The following SMARCA4 variants were observed in gnomAD, a reference collection of about 807,000 sequenced individuals.
SMARCA4 encodes SWI/SNF-related matrix-associated actin-dependent regulator of chromatin subfamily A member 4.
A neutral mutation model predicts 193.9 loss-of-function variants in SMARCA4; 31 were observed. The observed-to-expected ratio is 0.16, with a 90% CI of 0.12 to 0.22. SMARCA4 has a LOEUF of 0.22. Ranked by LOEUF, SMARCA4 falls within the 10% of genes least tolerant of loss-of-function variation. SMARCA4 has a pLI of 1.00. For missense variants in SMARCA4, 1,148 were observed against 2,296.0 expected (o/e 0.50, Z 10.22); for synonymous variants, 942 against 933.1 (o/e 1.01, Z -0.17).
rs1306229985 is a variant in SMARCA4, at chr19:11,059,836, G to A, written c.4719G>A (p.Glu1573=). ...KIEKEDDSEG[E]ESEEEEEGEE... is the part of the protein sequence containing the mutation. The stretch of plus-strand genomic sequence containing the variant: ...AGAAGGAGGATGACAGTGAAGGCGA[G>A]GAGAGTGAGGAGGAGGAAGAGGGCG... Residue 1573 remains glutamate, a synonymous_variant, in exon 33 of 35, where the codon GAG becomes GAA. Transcript: ENST00000344626. 1 of 1,613,892 alleles carries A rather than the reference G, an allele frequency of 6.2e-7. No individual in the cohort carries two copies. The highest frequency in any genetic ancestry group is 8.5e-7 in the Non-Finnish European group (1 of 1,179,886).
At chr19:10,965,210 G>T (rs1441040671) in intron 1 of SMARCA4, 1 of 152,304 alleles carries the variant, frequency 6.6e-6, no homozygotes, top group Non-Finnish European at 1.5e-5. Context: ...CTGCTGGGGA[G>T]CTGGGGATTC....
intron 1 of SMARCA4, among the ~76,000 whole-genome samples, chr19:10,976,616 G>A (rs1009265052): frequency 6.6e-6 from 1 of 151,724 alleles, no homozygotes; most frequent in African/African-American, 2.4e-5. Flanking sequence ...AATTAGCTGG[G>A]CATAGTGGCA....
intron 1 of SMARCA4, among the ~76,000 whole-genome samples, chr19:10,964,317 C>CTT (rs112353642): frequency 6.7e-6 from 1 of 148,364 alleles, no homozygotes; most frequent in African/African-American, 2.5e-5. Flanking sequence ...TTCTTTCTTT[C>CTT]TTTTTTTTTT....
At chr19:11,045,030 G>A (rs1407898812) in intron 30 of SMARCA4, among the ~76,000 whole-genome samples, 1 of 152,172 alleles carries the variant, frequency 6.6e-6, no homozygotes, top group Non-Finnish European at 1.5e-5. Flanking sequence ...ACACTAAAAA[G>A]GGCATACTGG....
intron 13 of SMARCA4, among the ~76,000 whole-genome samples, chr19:11,007,429 C>CAAAAA (rs1188457080): frequency 5.3e-5 from 3 of 56,134 alleles, no homozygotes; most frequent in African/African-American, 1.2e-4. Flanking sequence ...CACTTCGTCT[C>CAAAAA]AAAAAAAAAA....
rs1016382250 is a variant in SMARCA4 at position 11,041,350 on chromosome 19, G to A, written c.4214G>A (p.Arg1405Gln). The A allele has an allele frequency of 5.6e-6, 9 of 1,612,242 alleles. No individual in the cohort carries two copies. The highest frequency in any genetic ancestry group is 6.8e-6 in the Non-Finnish European group (8 of 1,180,006). ...GTLEEIEEEV[R>Q]QKKSSRKRKR... Reference sequence around the variant, plus strand: ...CTGGAGGAGATCGAAGAGGAGGTCCGGCAGAAGAAATCATCACGGAAGCGC... The same window carrying A: ...CTGGAGGAGATCGAAGAGGAGGTCCAGCAGAAGAAATCATCACGGAAGCGC... The change falls in exon 30 of 35, where the codon CGG becomes CAG. Residue 1405 changes from arginine to glutamine, a missense_variant. Arg to Gln is a conservative substitution (Grantham distance 43). Coordinates refer to ENST00000344626, the MANE Select transcript of SMARCA4 (RefSeq NM_003072.5). The surrounding 1 kb of genome is among the most constrained non-coding windows in gnomAD (Gnocchi z 5.6).
chr19:11,002,497 A>C (rs2087734672), intron 11 of SMARCA4, among the ~76,000 whole-genome samples: 1 of 149,068 alleles, frequency 6.7e-6, no homozygotes, highest in African/African-American at 2.5e-5. Context: ...AAATAAATAA[A>C]AATAAAAAAT....
intron 8 of SMARCA4, among the ~76,000 whole-genome samples, chr19:10,992,234 A>G (rs1186599017): frequency 7.3e-6 from 1 of 137,256 alleles, no homozygotes; most frequent in South Asian, 2.4e-4. Flanking sequence ...GCCTCAGCCT[A>G]CCTAGTAGCT....
rs1047931298 is a variant in SMARCA4, at chr19:10,994,279, G to A, written c.1420-549G>A. Among the ~76,000 whole-genome samples the A allele has an allele frequency of 2.7e-5, 4 of 149,424 alleles. No individual in the cohort carries two copies. The Admixed American group carries it at 2.7e-4, about 10-fold the overall frequency. ...GCTGGTCTCGAACTCCTGACCTCAGGCATTTTGTCCTCCTCAGCCTCCCAA... is the reference window on the plus strand; with the variant it reads ...GCTGGTCTCGAACTCCTGACCTCAGACATTTTGTCCTCCTCAGCCTCCCAA... On this transcript the variant is annotated intron_variant, in intron 8 of 34. Transcript: ENST00000344626.
At chr19:10,991,454 C>A in intron 8 of SMARCA4, 131 bp downstream of exon 8, 2 of 1,427,206 alleles carry the variant, frequency 1.4e-6, no homozygotes, top group Non-Finnish European at 1.9e-6. Context: ...CTCATTGTAA[C>A]AGTATTCTAG....
At position 10,987,987 on chromosome 19, in the gene SMARCA4, C is replaced by T. The variant is rs948293308; in HGVS notation, c.1118+63C>T. ...TGTCCCCCATGTCCCCCTGGGGAAG[C>T]CACTCAACTTTCTCCCCCACTCTAG... On this transcript the variant is annotated intron_variant, in intron 6 of 34. Coordinates refer to ENST00000344626, the MANE Select transcript of SMARCA4 (RefSeq NM_003072.5). The surrounding 1 kb of genome is among the most constrained non-coding windows in gnomAD (Gnocchi z 5.3). The T allele has an allele frequency of 7.2e-5, 112 of 1,559,814 alleles. No individual in the cohort carries two copies. The highest frequency in any genetic ancestry group is 9.5e-5 in the Non-Finnish European group (108 of 1,139,622).
chr19:11,043,523 A>T lies in SMARCA4; in HGVS notation c.4424+1963A>T, dbSNP rs146454560. Among the ~76,000 whole-genome samples, 715 of 151,898 alleles carry T rather than the reference A, an allele frequency of 4.7e-3. 18 individuals carry two copies. Among genetic ancestry groups the T allele is most frequent in the Admixed American group, 0.035 (541 of 15,274 alleles). On this transcript the variant is annotated intron_variant, in intron 30 of 34. Coordinates refer to ENST00000344626, the MANE Select transcript of SMARCA4 (RefSeq NM_003072.5). Reference sequence around the variant, plus strand: ...GCGGGATACAGCTGCGGGCAGTAGCACATGCCTGGGGTCCCCACTACTTGG... The same window carrying T: ...GCGGGATACAGCTGCGGGCAGTAGCTCATGCCTGGGGTCCCCACTACTTGG...
chr19:10,995,302 A>G (rs753680090), intron 9 of SMARCA4: 55 of 567,888 alleles, frequency 9.7e-5, no homozygotes, highest in Non-Finnish European at 1.5e-4. Context: ...TGTGATCCAG[A>G]CCCCCGACCC....
intron 11 of SMARCA4, among the ~76,000 whole-genome samples, 164 bp downstream of exon 11, chr19:10,996,708 C>T (rs1044581876): frequency 5.9e-5 from 9 of 152,202 alleles, no homozygotes; most frequent in African/African-American, 2.2e-4. Context: ...ACCCCACATC[C>T]CACATGTTGT....
intron 30 of SMARCA4, chr19:11,047,798 G>A (rs2146931725): frequency 6.6e-6 from 1 of 152,262 alleles, no homozygotes; most frequent in South Asian, 2.1e-4. Context: ...CTCTGCAGGT[G>A]AGCAGAAACT....
Position 10,984,253 on chromosome 19 carries a change from C to T in SMARCA4, c.102C>T (p.Pro34=), listed in dbSNP as rs769349881. The stretch of plus-strand genomic sequence containing the variant: ...CCATGCTGGGCCCTAGCCCGGGTCC[C>T]TCGCCGGGCTCCGCCCACAGCATGA... ...PGAMLGPSPG[P]SPGSAHSMMG... Residue 34 remains proline, a synonymous_variant, in exon 2 of 35, where the codon CCC becomes CCT. Transcript: ENST00000344626. The surrounding 1 kb of genome is among the most constrained non-coding windows in gnomAD (Gnocchi z 4.3). The T allele has an allele frequency of 6.2e-7, 1 of 1,612,034 alleles. No individual in the cohort carries two copies. The highest frequency in any genetic ancestry group is 8.5e-7 in the Non-Finnish European group (1 of 1,179,402).
In SMARCA4 at chr19:10,987,760, C is replaced by T. The variant is rs1060504436; in HGVS notation, c.954C>T (p.Val318=). The T allele has an allele frequency of 6.3e-7, 1 of 1,599,984 alleles. No homozygotes were observed. The highest frequency in any genetic ancestry group is 1.3e-5 in the African/African-American group (1 of 74,564). The change falls in exon 6 of 35, where the codon GTC becomes GTT. Residue 318 remains valine, a synonymous_variant. Transcript: ENST00000344626. The surrounding 1 kb of genome is among the most constrained non-coding windows in gnomAD (Gnocchi z 5.3). ...TGRPSPAPPA[V]PPAASPVMPP... is the part of the protein sequence containing the mutation. ...GCCCTTCCCCCGCGCCCCCTGCCGT[C>T]CCACCCGCCGCCTCGCCCGTGATGC...
In SMARCA4 at chr19:11,039,519, A is replaced by G; in HGVS notation, c.4171-1788A>G. 2.5e-6 allele frequency: 4 copies of G among 1,603,502 alleles called. No individual in the cohort carries two copies. Among genetic ancestry groups the G allele is most frequent in the Non-Finnish European group, 3.4e-6 (4 of 1,176,146 alleles). ...AGTGTGGCACGTGGGCTACAATTCC[A>G]GCGTGGCCTTCAGTTCTGCACACGT... On this transcript the variant is annotated intron_variant, in intron 29 of 34. Transcript: ENST00000344626.
rs1294381396 is a variant in SMARCA4, at chr19:11,033,990, T to C, written c.3873+125T>C. ...TGCGTGTGTGTGCCTTTCGCTGCCG[T>C]GTGGGTCCCCATCCACCGCAGCCGT... On this transcript the variant is annotated intron_variant, in intron 27 of 34. Coordinates refer to ENST00000344626, the MANE Select transcript of SMARCA4 (RefSeq NM_003072.5). This position sits in a 1 kb window ranked among gnomAD's most constrained non-coding sequence, Gnocchi z 9.8. The C allele has an allele frequency of 2.3e-5, 18 of 771,392 alleles. No homozygotes were observed. The Middle Eastern group carries it at 1.4e-3, about 58-fold the overall frequency. The allele number at this position is 771,392 out of a possible 1,614,324, so 47.8% of individuals were successfully genotyped here. A position where few individuals can be genotyped will look rare whatever the true frequency, so the allele number is the denominator to read the frequency against.
Sources: gnomAD v4.1 joint callset for allele counts (sites outside exome capture counted in the v4.1 genomes callset) on GRCh38, gnomAD v4.1.1 for gene constraint, Gnocchi (gnomAD v3.1) non-coding constraint, MANE v1.5 for transcripts, NCBI Gene and HGNC (gene_info 2026-07-23, HGNC 2026-07-21) for gene names.